Variants in KIF2A observed in about 807,000 individuals in gnomAD.
The protein encoded by KIF2A is kinesin-like protein KIF2A.
In KIF2A, 22 loss-of-function variants were observed where a neutral mutation model predicts 100.2. The ratio of observed to expected loss-of-function variants is 0.22; its 90% CI spans 0.16 to 0.31. The LOEUF is 0.31. KIF2A is among the 10% of genes least tolerant of loss of function. The pLI is 1.00. For synonymous variants in KIF2A, 268 were observed against 285.9 expected, an observed-to-expected ratio of 0.94 and a Z score of 0.63; for missense variants, 495 against 898.7, an observed-to-expected ratio of 0.55 and a Z score of 5.74.
chr5:62,362,769 T>G (rs537602664), intron 12 of KIF2A, among the ~76,000 whole-genome samples: 10 of 152,338 alleles, frequency 6.6e-5, no homozygotes, highest in Middle Eastern at 3.4e-3. Context: ...GAATTCTTAT[T>G]CCAATTATTA....
At chr5:62,356,565 G>A (rs1748116620) in intron 7 of KIF2A, among the ~76,000 whole-genome samples, 2 of 152,082 alleles carry the variant, frequency 1.3e-5, no homozygotes, top group Admixed American at 1.3e-4. Context: ...GGCATGTATT[G>A]GGAACAAAAT....
At position 62,306,276 on chromosome 5, in the gene KIF2A, G is replaced by A; in HGVS notation, c.-197G>A. 2 of 540,922 alleles carry A rather than the reference G, an allele frequency of 3.7e-6. No homozygotes were observed. The highest frequency in any genetic ancestry group is 2.4e-5 in the South Asian group (1 of 42,478). 33.5% of individuals were successfully genotyped at this position (540,922 alleles called of 1,614,324 possible). On this transcript the variant is annotated 5_prime_UTR_variant, in exon 1 of 21. Coordinates refer to ENST00000407818, the MANE Select transcript of KIF2A (RefSeq NM_001098511.3). The stretch of plus-strand genomic sequence containing the variant: ...GACTACCCGGCGTGCGCGTCCTCCT[G>A]CCGGCCTGCAGGCCCGGGGCCTCCG...
chr5:62,365,887 G>C (rs183601249), intron 15 of KIF2A, among the ~76,000 whole-genome samples: 90 of 152,276 alleles, frequency 5.9e-4, no homozygotes, highest in African/African-American at 2.1e-3. Context: ...TCTGGAATCA[G>C]CTAGGGATTT....
intron 1 of KIF2A, among the ~76,000 whole-genome samples, chr5:62,326,026 C>T (rs1302867381): frequency 6.6e-6 from 1 of 152,116 alleles, no homozygotes; most frequent in Non-Finnish European, 1.5e-5. Context: ...GGGTACTCTG[C>T]TCACTACCTG....
chr5:62,377,840 A>G (rs1741613742), intron 19 of KIF2A, 78 bp downstream of exon 19: 3 of 816,020 alleles, frequency 3.7e-6, no homozygotes, highest in Admixed American at 5.4e-5. Flanking sequence ...TAAATATCAC[A>G]CTATTCCTTA....
At chr5:62,364,630 C>T (rs1434689948) in intron 14 of KIF2A, among the ~76,000 whole-genome samples, 1 of 152,076 alleles carries the variant, frequency 6.6e-6, no homozygotes, top group East Asian at 1.9e-4. Flanking sequence ...GTGTTTTTTT[C>T]TTTTGGAGTG....
In KIF2A at chr5:62,309,655, G is replaced by A. The variant is rs192203576; in HGVS notation, c.64+3119G>A. Among the ~76,000 whole-genome samples the A allele has an allele frequency of 1.0e-3, 155 of 152,232 alleles. 1 individual carries two copies. The highest frequency in any genetic ancestry group is 2.9e-3 in the Admixed American group (44 of 15,294). ...AGTAGAAATGACATGAGTAAAGAAG[G>A]GCTGCTTCAGACCATTATTAACTGG... On this transcript the variant is annotated intron_variant, in intron 1 of 20. Transcript: ENST00000407818.
chr5:62,316,772 A>G (rs992855760), intron 1 of KIF2A, among the ~76,000 whole-genome samples: 2 of 152,176 alleles, frequency 1.3e-5, no homozygotes, highest in Non-Finnish European at 2.9e-5. Flanking sequence ...AAATCTCTGT[A>G]CCTTCCACTC....
intron 1 of KIF2A, among the ~76,000 whole-genome samples, chr5:62,308,802 G>A (rs1488040431): frequency 1.3e-5 from 2 of 152,112 alleles, no homozygotes; most frequent in East Asian, 3.8e-4. Context: ...ATAGGTCAAG[G>A]ATACAAAATA....
At chr5:62,375,906 G>C (rs1741520365) in intron 18 of KIF2A, among the ~76,000 whole-genome samples, 1 of 152,084 alleles carries the variant, frequency 6.6e-6, no homozygotes, top group South Asian at 2.1e-4. Flanking sequence ...GGAAAAACCT[G>C]GTTCAAACTA....
Position 62,387,742 on chromosome 5 carries a change from C to CA in KIF2A, c.*2180dup, listed in dbSNP as rs1742104738. 1 of 143,400 alleles carries CA rather than the reference C, an allele frequency of 7.0e-6. No homozygotes were observed. Among genetic ancestry groups the CA allele is most frequent in the South Asian group, 2.2e-4 (1 of 4,622 alleles). The allele number at this position is 143,400 out of a possible 1,614,324, so 8.9% of individuals were successfully genotyped here. On this transcript the variant is annotated 3_prime_UTR_variant, in exon 21 of 21. Transcript: ENST00000407818. ...TGCAAAATAGTTTTGTGAAATTAAA[C>CA]AAAAAAATCTACTCTTAATGTATAT...
intron 9 of KIF2A, among the ~76,000 whole-genome samples, 189 bp downstream of exon 9, chr5:62,358,488 A>G (rs1476655514): frequency 1.3e-5 from 2 of 152,170 alleles, no homozygotes; most frequent in Non-Finnish European, 2.9e-5. Flanking sequence ...TGCTCCCCAA[A>G]ATCATAGTTT....
intron 16 of KIF2A, among the ~76,000 whole-genome samples, chr5:62,367,990 C>T (rs1304984951): frequency 6.6e-6 from 1 of 152,032 alleles, no homozygotes; most frequent in African/African-American, 2.4e-5. Context: ...TTGTTTTAAT[C>T]ACTATGGAAA....
chr5:62,352,608 C>T lies in KIF2A; in HGVS notation c.355C>T (p.Arg119Trp), dbSNP rs1467202590. 14 of 1,586,050 alleles carry T rather than the reference C, an allele frequency of 8.8e-6. No individual in the cohort carries two copies. The highest frequency in any genetic ancestry group is 1.2e-5 in the Non-Finnish European group (14 of 1,165,066). The change falls in exon 5 of 21, where the codon CGG becomes TGG. Residue 119 changes from arginine to tryptophan, a missense_variant. Arg to Trp is a moderately radical substitution (Grantham distance 101). Transcript: ENST00000407818. ...DNRVVGSARA[R>W]PSQFPEQSSS... ...TACAGTGGTTGGTTCAGCACGTGCA[C>T]GGCCCAGTCAATTTCCTGAACAGTC...
In KIF2A at chr5:62,306,455, G is replaced by T. The variant is rs1334039561; in HGVS notation, c.-18G>T. On this transcript the variant is annotated 5_prime_UTR_variant, in exon 1 of 21. Coordinates refer to ENST00000407818, the MANE Select transcript of KIF2A (RefSeq NM_001098511.3). ...GGTCCCCCTCCCTCGGCCCGCTGCTGCTGCTCCAGATGAGGTGATGGCAAC... is the reference window on the plus strand; with the variant it reads ...GGTCCCCCTCCCTCGGCCCGCTGCTTCTGCTCCAGATGAGGTGATGGCAAC... The T allele has an allele frequency of 1.3e-6, 2 of 1,539,696 alleles. No homozygotes were observed. The highest frequency in any genetic ancestry group is 2.4e-5 in the South Asian group (2 of 82,538).
At chr5:62,335,029 C>T (rs964501082) in intron 1 of KIF2A, among the ~76,000 whole-genome samples, 1 of 152,198 alleles carries the variant, frequency 6.6e-6, no homozygotes, top group African/African-American at 2.4e-5. Flanking sequence ...TTCTGAAGGG[C>T]CTGGATTTTT....
chr5:62,339,175 G>A (rs1312384681), intron 1 of KIF2A, among the ~76,000 whole-genome samples: 1 of 152,134 alleles, frequency 6.6e-6, no homozygotes, highest in Non-Finnish European at 1.5e-5. Flanking sequence ...CTTCTGGGAA[G>A]GTCTCATGAA....
At position 62,350,111 on chromosome 5, in the gene KIF2A, G is replaced by C; in HGVS notation, c.325G>C (p.Asp109His). Residue 109 changes from aspartate to histidine, a missense_variant, in exon 4 of 21, where the codon GAT becomes CAT. Asp to His is a moderately conservative substitution (Grantham distance 81, BLOSUM62 -1). Transcript: ENST00000407818. The part of the protein sequence containing the change: ...ASIKNDPPSR[D>H]NRVVGSARAR... Reference sequence around the variant, plus strand: ...TATTAAGAATGACCCTCCTTCAAGAGATAATAGAGGTAAAGTAAAAATTTA... The same window carrying C: ...TATTAAGAATGACCCTCCTTCAAGACATAATAGAGGTAAAGTAAAAATTTA... The C allele has an allele frequency of 6.3e-7, 1 of 1,575,560 alleles. No homozygotes were observed.
At chr5:62,340,794 A>C (rs1747255688) in intron 1 of KIF2A, among the ~76,000 whole-genome samples, 1 of 152,170 alleles carries the variant, frequency 6.6e-6, no homozygotes, top group African/African-American at 2.4e-5. Flanking sequence ...TAAAGAAAAA[A>C]ATTAAAATTT....
Sources: gnomAD v4.1 joint callset for allele counts (sites outside exome capture counted in the v4.1 genomes callset) on GRCh38, gnomAD v4.1.1 for gene constraint, MANE v1.5 for transcripts, NCBI Gene and HGNC (gene_info 2026-07-23, HGNC 2026-07-21) for gene names.